The following ZNRF3 variants were observed in gnomAD, a reference collection of about 807,000 sequenced individuals.
ZNRF3 encodes the protein zinc and ring finger 3, also known as E3 ubiquitin-protein ligase ZNRF3.
Under a neutral mutation model 72.5 loss-of-function variants are expected in ZNRF3, and 23 were observed. That is an observed-to-expected ratio of 0.32 (90% confidence interval 0.23 to 0.45). The LOEUF (loss-of-function observed/expected upper bound fraction) is 0.45, where lower values mean the gene tolerates loss of function less well. ZNRF3 is among the 20% of genes least tolerant of loss of function. The pLI is 1.00. For missense variants in ZNRF3, 1,169 were observed against 1,272.1 expected, an observed-to-expected ratio of 0.92 and a Z score of 1.23; for synonymous variants, 610 against 545.3, an observed-to-expected ratio of 1.12 and a Z score of -1.65.
chr22:29,017,998 T>C (rs750994080), intron 2 of ZNRF3: 1 of 519,066 alleles, frequency 1.9e-6, no homozygotes, highest in South Asian at 1.4e-5. Context: ...AGCTGGAAGA[T>C]GTGCGTATGC....
chr22:28,972,627 A>G (rs2035597192), intron 1 of ZNRF3, among the ~76,000 whole-genome samples: 1 of 152,138 alleles, frequency 6.6e-6, no homozygotes, highest in South Asian at 2.1e-4. Flanking sequence ...TATACTCAGG[A>G]GTGGAATTGC....
At chr22:29,039,888 G>A (rs1311968454) in intron 2 of ZNRF3, among the ~76,000 whole-genome samples, 3 of 151,978 alleles carry the variant, frequency 2.0e-5, no homozygotes, top group East Asian at 1.9e-4. Flanking sequence ...GAGGCCAGGA[G>A]TTTGAGGCTG....
intron 2 of ZNRF3, among the ~76,000 whole-genome samples, chr22:29,029,348 A>C (rs1294248880): frequency 6.6e-6 from 1 of 152,262 alleles, no homozygotes; most frequent in Non-Finnish European, 1.5e-5. Flanking sequence ...CTTCATAAAA[A>C]TAAGAAAATC....
At chr22:28,912,335 T>A (rs1057391752) in intron 1 of ZNRF3, among the ~76,000 whole-genome samples, 1 of 152,248 alleles carries the variant, frequency 6.6e-6, no homozygotes, top group South Asian at 2.1e-4. Flanking sequence ...GGTTTTCATC[T>A]TAACCCGGCT....
intron 1 of ZNRF3, among the ~76,000 whole-genome samples, chr22:28,932,152 T>C (rs945187055): frequency 6.6e-6 from 1 of 152,196 alleles, no homozygotes; most frequent in Non-Finnish European, 1.5e-5. Context: ...ATTGAGTGCC[T>C]GTTTGTAACC....
chr22:28,901,412 A>G (rs2034101755), intron 1 of ZNRF3, among the ~76,000 whole-genome samples: 1 of 152,094 alleles, frequency 6.6e-6, no homozygotes, highest in Non-Finnish European at 1.5e-5. Context: ...AGCAATTGTG[A>G]TTTGCTGCTT....
chr22:29,054,468 G>C lies in ZNRF3; in HGVS notation c.*846G>C, dbSNP rs925228900. On this transcript the variant is annotated 3_prime_UTR_variant, in exon 9 of 9. Transcript: ENST00000544604. ...TTGGCTGAGGTCCAGGTCATAGTAA[G>C]GGCATGTTCTTGGGGCCCTCGACCT... 1 of 152,416 alleles carries C rather than the reference G, an allele frequency of 6.6e-6. No individual in the cohort carries two copies. Among genetic ancestry groups the C allele is most frequent in the Non-Finnish European group, 1.5e-5 (1 of 68,082 alleles). 9.4% of individuals were successfully genotyped at this position (152,416 alleles called of 1,614,324 possible).
intron 1 of ZNRF3, among the ~76,000 whole-genome samples, chr22:28,966,082 TTGG>T (rs1239200098): frequency 1.3e-5 from 2 of 152,196 alleles, no homozygotes; most frequent in Admixed American, 6.5e-5. Flanking sequence ...ACTCCATAAA[TTGG>T]TGATTTTCCC....
At chr22:28,885,880 GAAACTTTTTGAAGTGCTTATCTA>G (rs2033776766) in intron 1 of ZNRF3, among the ~76,000 whole-genome samples, 1 of 150,966 alleles carries the variant, frequency 6.6e-6, no homozygotes, top group Non-Finnish European at 1.5e-5. Context: ...ATTCTCTTCT[GAAACTTTTTGAAGTGCTTATCTA>G]ACTCTTTTGT....
At chr22:28,992,002 A>C (rs2035961680) in intron 2 of ZNRF3, among the ~76,000 whole-genome samples, 1 of 151,598 alleles carries the variant, frequency 6.6e-6, no homozygotes, top group African/African-American at 2.4e-5. Context: ...AAAAAAAAAT[A>C]ATAAGCTGGG....
chr22:29,033,350 C>CAAAA (rs60310622), intron 2 of ZNRF3, among the ~76,000 whole-genome samples: 4 of 66,118 alleles, frequency 6.0e-5, no homozygotes, highest in East Asian at 5.1e-4. Flanking sequence ...GACTCCATCT[C>CAAAA]AAAAAAAAAA....
rs2093669340 is a variant in ZNRF3 at position 29,050,736 on chromosome 22, T to A, written c.2555T>A (p.Leu852His). ...TCGGACTGCCAAGGGACCCACAGCC[T>A]CGGCTCCTGGGGTGGGACGCGAGGC... ...LPSDCQGTHS[L>H]GSWGGTRGPD... is the part of the protein sequence containing the mutation. The change falls in exon 8 of 9, where the codon CTC becomes CAC. Residue 852 changes from leucine (L) to histidine (H), a missense_variant. Coordinates refer to ENST00000544604, the MANE Select transcript of ZNRF3 (RefSeq NM_001206998.2). 19 of 1,610,330 alleles carry A rather than the reference T, an allele frequency of 1.2e-5. No homozygotes were observed. Among genetic ancestry groups the A allele is most frequent in the Non-Finnish European group, 1.6e-5 (19 of 1,178,622 alleles).
chr22:28,915,679 G>A (rs2034394844), intron 1 of ZNRF3, among the ~76,000 whole-genome samples: 1 of 152,212 alleles, frequency 6.6e-6, no homozygotes, highest in African/African-American at 2.4e-5. Flanking sequence ...TGGACTACCC[G>A]TGATATTATA....
chr22:28,988,484 C>T (rs1181674856), intron 2 of ZNRF3, among the ~76,000 whole-genome samples: 3 of 152,192 alleles, frequency 2.0e-5, no homozygotes, highest in Non-Finnish European at 2.9e-5. Context: ...TGAATAACTT[C>T]AAGTCACTTG....
At position 29,049,868 on chromosome 22, in the gene ZNRF3, T is replaced by A. The variant is rs1020589629; in HGVS notation, c.1687T>A (p.Ser563Thr). 1 of 1,605,824 alleles carries A rather than the reference T, an allele frequency of 6.2e-7. No homozygotes were observed. The highest frequency in any genetic ancestry group is 8.5e-7 in the Non-Finnish European group (1 of 1,175,634). ...CAGCAGCTCCGGCCAGTGCCACTGTTCCTCCAGTGACTCTGTGGTAGACTG... is the reference window on the plus strand; with the variant it reads ...CAGCAGCTCCGGCCAGTGCCACTGTACCTCCAGTGACTCTGTGGTAGACTG... ...SSSSSGQCHC[S>T]SSDSVVDCTE... Residue 563 changes from serine (S) to threonine (T), a missense_variant, in exon 8 of 9, where the codon TCC becomes ACC. Physicochemically the swap from Ser to Thr is moderately conservative, Grantham distance 58 (BLOSUM62 1). This residue lies in a region of ZNRF3 where 783 missense variants were observed against 731.4 expected (regional missense o/e 1.07). Transcript: ENST00000544604. The surrounding 1 kb of genome is among the most constrained non-coding windows in gnomAD (Gnocchi z 5.2).
chr22:28,909,218 A>G (rs1333699498), intron 1 of ZNRF3, among the ~76,000 whole-genome samples: 1 of 152,084 alleles, frequency 6.6e-6, no homozygotes. Context: ...TTTTAGGCAC[A>G]CTTGTCTGAA....
chr22:29,050,947 A>T lies in ZNRF3; in HGVS notation c.2766A>T (p.Ala922=). ...QESSTTATEA[A]GPRSHSADSS... The stretch of plus-strand genomic sequence containing the variant: ...CCAGCACCACTGCCACTGAGGCTGC[A>T]GGTGAGAGCAGGAAATGGCAGTAGG... Residue 922 remains alanine, a splice_region_variant and synonymous_variant, in exon 8 of 9, where the codon GCA becomes GCT. Coordinates refer to ENST00000544604, the MANE Select transcript of ZNRF3 (RefSeq NM_001206998.2). 1 of 1,508,674 alleles carries T rather than the reference A, an allele frequency of 6.6e-7. No individual in the cohort carries two copies. Among genetic ancestry groups the T allele is most frequent in the Non-Finnish European group, 8.8e-7 (1 of 1,136,516 alleles). The allele number at this position is 1,508,674 out of a possible 1,614,324, so 93.5% of individuals were successfully genotyped here.
At chr22:28,960,486 T>C (rs898879018) in intron 1 of ZNRF3, among the ~76,000 whole-genome samples, 5 of 152,200 alleles carry the variant, frequency 3.3e-5, no homozygotes, top group Non-Finnish European at 5.9e-5. Context: ...GGAGAGCTAC[T>C]GTTAATTAAT....
At chr22:29,035,598 C>T (rs564705318) in intron 2 of ZNRF3, among the ~76,000 whole-genome samples, 12 of 152,224 alleles carry the variant, frequency 7.9e-5, no homozygotes, top group South Asian at 2.1e-4. Flanking sequence ...CTTTTTGAGA[C>T]GGAGTCTCGC....
Sources: gnomAD v4.1 joint callset for allele counts (sites outside exome capture counted in the v4.1 genomes callset) on GRCh38, gnomAD v4.1.1 for gene constraint, gnomAD v4.1.1 regional missense constraint, Gnocchi (gnomAD v3.1) non-coding constraint, MANE v1.5 for transcripts, NCBI Gene and HGNC (gene_info 2026-07-23, HGNC 2026-07-21) for gene names.